Variants in DPP10 observed in about 807,000 individuals in gnomAD.
The protein encoded by DPP10 is inactive dipeptidyl peptidase 10.
In DPP10, 33 loss-of-function variants were observed where a neutral mutation model predicts 120.9. The ratio of observed to expected loss-of-function variants is 0.27; its 90% CI spans 0.21 to 0.37. The LOEUF is 0.37. DPP10 is among the 10% of genes least tolerant of loss of function. DPP10 has a pLI of 1.00. For missense variants in DPP10, 816 were observed against 942.8 expected (o/e 0.87, Z 1.76); for synonymous variants, 337 against 326.1 (o/e 1.03, Z -0.36).
In DPP10 at chr2:114,981,793, A is replaced by G. The variant is rs1455929081; in HGVS notation, c.61-327446A>G. 2.0e-5 allele frequency among the ~76,000 whole-genome samples: 3 copies of G among 147,814 alleles called. No individual in the cohort carries two copies. In the East Asian group the frequency reaches 6.0e-4, roughly 30 times the overall value. ...TTTTTGTTTTTGTTTTTTTTTTTAG[A>G]TAGGGTGTCTCACTATTTCTCCAGG... On this transcript the variant is annotated intron_variant, in intron 1 of 25. Coordinates refer to ENST00000410059, the MANE Select transcript of DPP10 (RefSeq NM_020868.6).
intron 13 of DPP10, among the ~76,000 whole-genome samples, chr2:115,769,966 G>A (rs915558197): frequency 6.6e-6 from 1 of 151,892 alleles, no homozygotes; most frequent in African/African-American, 2.4e-5. Context: ...AAAAATATAA[G>A]TAGTAAAGAA....
At chr2:114,621,324 T>C (rs6726651) in intron 1 of DPP10, among the ~76,000 whole-genome samples, 42,339 of 152,014 alleles carry the variant, frequency 0.28, 7,081 homozygotes, top group African/African-American at 0.48. Context: ...CTCACCTTTG[T>C]TAATGTTTCT....
intron 3 of DPP10, among the ~76,000 whole-genome samples, chr2:115,489,154 G>A (rs752548098): frequency 2.7e-4 from 41 of 152,052 alleles, no homozygotes; most frequent in African/African-American, 8.2e-4. Context: ...GGCTTTGCGG[G>A]CCATATTTTC....
chr2:115,157,648 T>A (rs1405697628), intron 1 of DPP10, among the ~76,000 whole-genome samples: 1 of 152,220 alleles, frequency 6.6e-6, no homozygotes, highest in Non-Finnish European at 1.5e-5. Context: ...AGGGACATGA[T>A]GTGCATTTTG....
rs955019153 is a variant in DPP10 at position 115,446,520 on chromosome 2, G to A, written c.272-52990G>A. 9.9e-5 allele frequency among the ~76,000 whole-genome samples: 15 copies of A among 152,276 alleles called. 1 individual carries two copies. The highest frequency in any genetic ancestry group is 3.9e-4 in the East Asian group (2 of 5,170). Reference sequence around the variant, plus strand: ...ATAAACCTGAGAGGGACTTCTGACCGATTTCAGTCAGGAGCACTCTCTCTT... The same window carrying A: ...ATAAACCTGAGAGGGACTTCTGACCAATTTCAGTCAGGAGCACTCTCTCTT... On this transcript the variant is annotated intron_variant, in intron 3 of 25. Coordinates refer to ENST00000410059, the MANE Select transcript of DPP10 (RefSeq NM_020868.6).
In DPP10 at chr2:115,342,227, C is replaced by T. The variant is rs926250313; in HGVS notation, c.176-1590C>T. The T allele has an allele frequency of 1.6e-5, 7 of 440,628 alleles. No homozygotes were observed. In the East Asian group the frequency reaches 5.1e-4, roughly 32 times the overall value. 27.3% of individuals were successfully genotyped at this position (440,628 alleles called of 1,614,324 possible). The stretch of plus-strand genomic sequence containing the variant: ...TGTAATTTGTTTTTTGAGACAAGGT[C>T]TCACCCTGTCACCCAGGCTGGAGTA... On this transcript the variant is annotated intron_variant, in intron 2 of 25. Coordinates refer to ENST00000410059, the MANE Select transcript of DPP10 (RefSeq NM_020868.6).
chr2:115,259,642 G>A (rs774144705), intron 1 of DPP10, among the ~76,000 whole-genome samples: 7 of 152,060 alleles, frequency 4.6e-5, no homozygotes, highest in Non-Finnish European at 8.8e-5. Context: ...TTAGTTGCAG[G>A]GAAGTATAGG....
chr2:115,334,230 G>GTTTTTTTTTTTTTTTT lies in DPP10; in HGVS notation c.176-9586_176-9571dup. ...TCAGGAATGGACCAGAGCAGACTCT[G>GTTTTTTTTTTTTTTTT]TTTTTTTTTTTTTTTTAAGAAACCT... On this transcript the variant is annotated intron_variant, in intron 2 of 25. Transcript: ENST00000410059. Among the ~76,000 whole-genome samples, 252 of 56,356 alleles carry GTTTTTTTTTTTTTTTT rather than the reference G, an allele frequency of 4.5e-3. 58 individuals are homozygous for GTTTTTTTTTTTTTTTT. The highest frequency in any genetic ancestry group is 0.015 in the East Asian group (26 of 1,792). The allele number at this position is 56,356 out of a possible 152,430, so 37.0% of individuals were successfully genotyped here.
chr2:114,868,974 G>C (rs1453277744), intron 1 of DPP10, among the ~76,000 whole-genome samples: 2 of 152,020 alleles, frequency 1.3e-5, no homozygotes, highest in Non-Finnish European at 2.9e-5. Context: ...AAGGGCAGGA[G>C]GGTTAAAAAA....
intron 1 of DPP10, among the ~76,000 whole-genome samples, chr2:115,096,090 A>C (rs13005701): frequency 0.25 from 38,609 of 151,980 alleles, 5,328 homozygotes; most frequent in East Asian, 0.31. Flanking sequence ...CCCAAGGTAC[A>C]CATGTATGTA....
intron 1 of DPP10, among the ~76,000 whole-genome samples, chr2:115,007,907 G>A (rs1026458239): frequency 3.3e-5 from 5 of 152,166 alleles, no homozygotes; most frequent in African/African-American, 4.8e-5. Flanking sequence ...ACTAGAAACC[G>A]CTGCTCAAGG....
chr2:115,250,928 T>G (rs192380197), intron 1 of DPP10, among the ~76,000 whole-genome samples: 55 of 152,256 alleles, frequency 3.6e-4, no homozygotes, highest in African/African-American at 1.3e-3. Flanking sequence ...CACTGGAAAA[T>G]GTTCAGAAGT....
chr2:115,232,119 A>G (rs1281854325), intron 1 of DPP10, among the ~76,000 whole-genome samples: 1 of 152,124 alleles, frequency 6.6e-6, no homozygotes, highest in Admixed American at 6.6e-5. Context: ...AAACAAGTTA[A>G]TGGCATGCAC....
intron 1 of DPP10, among the ~76,000 whole-genome samples, chr2:115,026,370 G>T (rs2105212065): frequency 6.6e-6 from 1 of 152,018 alleles, no homozygotes; most frequent in East Asian, 1.9e-4. Flanking sequence ...CTGTTCCATT[G>T]GTCTATGTAT....
chr2:114,728,568 A>G (rs985439588), intron 1 of DPP10, among the ~76,000 whole-genome samples: 2 of 152,112 alleles, frequency 1.3e-5, no homozygotes, highest in African/African-American at 4.8e-5. Context: ...TCAGAAATGG[A>G]CTTTTGACTT....
intron 1 of DPP10, among the ~76,000 whole-genome samples, chr2:114,867,010 C>T (rs1354787107): frequency 6.6e-6 from 1 of 152,114 alleles, no homozygotes; most frequent in Non-Finnish European, 1.5e-5. Flanking sequence ...ATATAGCCAT[C>T]GTTCATTTCC....
At chr2:115,268,634 T>C (rs560600527) in intron 1 of DPP10, among the ~76,000 whole-genome samples, 2 of 152,302 alleles carry the variant, frequency 1.3e-5, no homozygotes, top group African/African-American at 4.8e-5. Flanking sequence ...AAGATATTAG[T>C]AGAAAAATGG....
At chr2:114,473,888 C>T (rs1573431351) in intron 1 of DPP10, among the ~76,000 whole-genome samples, 1 of 152,246 alleles carries the variant, frequency 6.6e-6, no homozygotes, top group East Asian at 1.9e-4. Flanking sequence ...TACATACACA[C>T]ACTTATATAC....
intron 1 of DPP10, among the ~76,000 whole-genome samples, chr2:115,002,914 G>A (rs145735403): frequency 5.9e-5 from 9 of 152,194 alleles, no homozygotes; most frequent in African/African-American, 2.2e-4. Flanking sequence ...CTGCTGATGG[G>A]AGTGTAAATT....
Sources: allele counts gnomAD v4.1 joint callset (sites outside exome capture counted in the v4.1 genomes callset), GRCh38; gene constraint gnomAD v4.1.1; transcripts MANE v1.5; gene names NCBI Gene and HGNC (gene_info 2026-07-23, HGNC 2026-07-21).